Variants in PLA2G4C observed in about 807,000 individuals in gnomAD.
The protein encoded by PLA2G4C is cytosolic phospholipase A2 gamma.
Under a neutral mutation model 73.8 loss-of-function variants are expected in PLA2G4C, and 64 were observed. The ratio of observed to expected loss-of-function variants is 0.87; its 90% CI spans 0.71 to 1.07. The LOEUF is 1.07. PLA2G4C is among the 50% of genes least tolerant of loss of function. The pLI, the probability that PLA2G4C is intolerant of heterozygous loss-of-function variation, is 0.00. For synonymous variants in PLA2G4C, 254 were observed against 252.1 expected (o/e 1.01, Z -0.07); for missense variants, 622 against 665.4 (o/e 0.93, Z 0.72).
intron 9 of PLA2G4C, among the ~76,000 whole-genome samples, chr19:48,088,083 C>A (rs2031088356): frequency 6.6e-6 from 1 of 152,182 alleles, no homozygotes; most frequent in Non-Finnish European, 1.5e-5. Flanking sequence ...CCCTACAGAC[C>A]TGAAGCCTGA....
intron 4 of PLA2G4C, among the ~76,000 whole-genome samples, chr19:48,101,674 CT>C (rs71181648): frequency 0.27 from 35,967 of 131,556 alleles, 4,554 homozygotes; most frequent in East Asian, 0.5. Flanking sequence ...CCTTTAATAT[CT>C]TTTTTTTTTT....
intron 7 of PLA2G4C, among the ~76,000 whole-genome samples, chr19:48,093,722 T>C (rs890519271): frequency 3.3e-5 from 5 of 152,104 alleles, no homozygotes; most frequent in African/African-American, 1.2e-4. Flanking sequence ...GGGTCTGATA[T>C]GGTTAAGCTT....
intron 11 of PLA2G4C, among the ~76,000 whole-genome samples, chr19:48,075,348 G>A (rs569558298): frequency 7.9e-5 from 12 of 151,546 alleles, no homozygotes; most frequent in African/African-American, 2.4e-4. Flanking sequence ...CACCAGGCCC[G>A]GCTAATTTTT....
rs554602803 is a variant in PLA2G4C at position 48,082,592 on chromosome 19, G to A, written c.844+2467C>T. Among the ~76,000 whole-genome samples, 22 of 139,354 alleles carry A rather than the reference G, an allele frequency of 1.6e-4. 1 individual carries two copies. The East Asian group carries it at 4.4e-3, about 28-fold the overall frequency. 91.4% of individuals were successfully genotyped at this position (139,354 alleles called of 152,430 possible). ...CGGCTCACTGCAACCCCTGCCTCCC[G>A]GGTTCGAGCAATTCCCCTGCTTCAG... On this transcript the variant is annotated intron_variant, in intron 10 of 16. Transcript: ENST00000599921.
At position 48,057,624 on chromosome 19, in the gene PLA2G4C, G is replaced by A. The variant is rs369841521; in HGVS notation, c.1258-2575C>T. Among the ~76,000 whole-genome samples, 15 of 149,178 alleles carry A rather than the reference G, an allele frequency of 1.0e-4. No individual in the cohort carries two copies. The South Asian group carries it at 3.2e-3, about 32-fold the overall frequency. ...CCTGCCTCAGCCCCACTAGCAGCTGGGATTACAGGCACGTGCCACCATGCC... is the reference window on the plus strand; with the variant it reads ...CCTGCCTCAGCCCCACTAGCAGCTGAGATTACAGGCACGTGCCACCATGCC... On this transcript the variant is annotated intron_variant, in intron 14 of 16. Transcript: ENST00000599921.
intron 13 of PLA2G4C, chr19:48,064,846 A>G (rs8102185): frequency 0.86 from 130,146 of 152,198 alleles, 55,756 homozygotes; most frequent in African/African-American, 0.92. Context: ...TCTGCAAATC[A>G]CAGAGAGAGT....
At chr19:48,060,788 T>A (rs966800222) in intron 14 of PLA2G4C, among the ~76,000 whole-genome samples, 1 of 152,050 alleles carries the variant, frequency 6.6e-6, no homozygotes, top group Non-Finnish European at 1.5e-5. Flanking sequence ...TGGTGACAAG[T>A]TGGTTCTGGA....
intron 13 of PLA2G4C, among the ~76,000 whole-genome samples, 157 bp downstream of exon 13, chr19:48,067,634 G>C (rs867681208): frequency 5.9e-5 from 9 of 152,184 alleles, no homozygotes; most frequent in Non-Finnish European, 1.0e-4. Context: ...CTGAGCGAAA[G>C]TTCCCCTAAT....
chr19:48,105,082 C>CA (rs3083068), intron 3 of PLA2G4C, among the ~76,000 whole-genome samples: 8,385 of 87,364 alleles, frequency 0.096, 526 homozygotes, highest in Middle Eastern at 0.17. Flanking sequence ...GACGTTGTCT[C>CA]AAAAAAAAAA....
chr19:48,068,716 G>C (rs1416428233), intron 12 of PLA2G4C, among the ~76,000 whole-genome samples: 1 of 147,634 alleles, frequency 6.8e-6, no homozygotes, highest in East Asian at 2.0e-4. Context: ...TTAGATACAA[G>C]GGAGACCTTG....
In PLA2G4C at chr19:48,070,388, GAGA is replaced by G. The variant is rs1968610248; in HGVS notation, c.1007-2505_1007-2503del. Among the ~76,000 whole-genome samples the G allele has an allele frequency of 3.3e-5, 5 of 152,300 alleles. No homozygotes were observed. The South Asian group carries it at 8.3e-4, about 25-fold the overall frequency. On this transcript the variant is annotated intron_variant, in intron 12 of 16. Coordinates refer to ENST00000599921, the MANE Select transcript of PLA2G4C (RefSeq NM_003706.3). ...GGCTTTGAGGGCAAAACAGTTTCTA[GAGA>G]AGAAGAAATTCTACCTCCAGACTGG... is the stretch of plus-strand genomic sequence containing the variant.
intron 16 of PLA2G4C, among the ~76,000 whole-genome samples, chr19:48,049,043 G>T (rs955400901): frequency 1.3e-5 from 2 of 152,042 alleles, no homozygotes; most frequent in Admixed American, 6.6e-5. Flanking sequence ...TAACACGCCA[G>T]CCCCCCTTCC....
chr19:48,083,601 C>T (rs1375139591), intron 10 of PLA2G4C, among the ~76,000 whole-genome samples: 2 of 151,472 alleles, frequency 1.3e-5, no homozygotes, highest in East Asian at 3.9e-4. Flanking sequence ...GCATGTACCA[C>T]CACGCCCGGC....
chr19:48,054,799 G>T, intron 15 of PLA2G4C, 79 bp downstream of exon 15: 1 of 1,303,536 alleles, frequency 7.7e-7, no homozygotes, highest in Non-Finnish European at 1.1e-6. Flanking sequence ...AAATTACCCA[G>T]TCTCAGGTAT....
intron 10 of PLA2G4C, among the ~76,000 whole-genome samples, chr19:48,082,046 A>T (rs1456427206): frequency 6.6e-6 from 1 of 151,626 alleles, no homozygotes; most frequent in South Asian, 2.1e-4. Context: ...TTGCTACTGC[A>T]CTCCAGCCTG....
chr19:48,081,081 C>T (rs1227812276), intron 10 of PLA2G4C, among the ~76,000 whole-genome samples: 4 of 149,622 alleles, frequency 2.7e-5, no homozygotes, highest in African/African-American at 4.9e-5. Context: ...AGGAGAATGG[C>T]GTGAACCTGG....
Position 48,048,115 on chromosome 19 carries a change from C to T in PLA2G4C, c.*228G>A, listed in dbSNP as rs150184608. The T allele has an allele frequency of 1.8e-3, 972 of 527,918 alleles. 12 individuals carry two copies. Among genetic ancestry groups the T allele is most frequent in the African/African-American group, 0.017 (856 of 49,896 alleles). 32.7% of individuals were successfully genotyped at this position (527,918 alleles called of 1,614,324 possible). A position where few individuals can be genotyped will look rare whatever the true frequency, so the allele number is the denominator to read the frequency against. On this transcript the variant is annotated 3_prime_UTR_variant, in exon 17 of 17. Coordinates refer to ENST00000599921, the MANE Select transcript of PLA2G4C (RefSeq NM_003706.3). ...CCAGCTCCAGGATCTCCCGAGGGAC[C>T]TGCAGGACAAATTTCACCACCTTCA...
intron 9 of PLA2G4C, among the ~76,000 whole-genome samples, chr19:48,085,936 G>A (rs1387094460): frequency 6.6e-6 from 1 of 152,204 alleles, no homozygotes; most frequent in Non-Finnish European, 1.5e-5. Flanking sequence ...CCAGATCCCA[G>A]TATGGACCCA....
chr19:48,064,715 C>T (rs1968344460), intron 13 of PLA2G4C: 1 of 152,166 alleles, frequency 6.6e-6, no homozygotes, highest in South Asian at 2.1e-4. Flanking sequence ...GCCTCTCACA[C>T]ATCTGCATGA....
Sources: allele counts gnomAD v4.1 joint callset (sites outside exome capture counted in the v4.1 genomes callset), GRCh38; gene constraint gnomAD v4.1.1; transcripts MANE v1.5; gene names NCBI Gene and HGNC (gene_info 2026-07-23, HGNC 2026-07-21).